Variants in RELN observed in about 807,000 individuals in gnomAD.
RELN encodes the protein reelin.
A neutral mutation model predicts 427.6 loss-of-function variants in RELN; 108 were observed. The observed-to-expected ratio is 0.25, with a 90% CI of 0.22 to 0.30. RELN has a LOEUF of 0.30. Among genes scored for constraint, RELN ranks in the 10% least tolerant of loss-of-function variants. The pLI, the probability that RELN is intolerant of heterozygous loss-of-function variation, is 1.00. For missense variants in RELN, 3,715 were observed against 4,302.8 expected (o/e 0.86, Z 3.82); for synonymous variants, 1,524 against 1,513.4 (o/e 1.01, Z -0.16).
chr7:103,547,261 G>T (rs1830317437), intron 41 of RELN, among the ~76,000 whole-genome samples: 1 of 152,172 alleles, frequency 6.6e-6, no homozygotes, highest in Admixed American at 6.5e-5. Context: ...CTAAAATTTA[G>T]TGGATAGTAA....
chr7:103,859,940 T>C (rs903903454), intron 2 of RELN, among the ~76,000 whole-genome samples: 4 of 152,178 alleles, frequency 2.6e-5, no homozygotes, highest in African/African-American at 9.6e-5. Flanking sequence ...ATGTTCACAA[T>C]GACAACAATT....
chr7:103,486,011 T>C lies in RELN; in HGVS notation c.9983+186A>G, dbSNP rs77441785. ...AAATACAAAGCAATTCTCTAATAAA[T>C]TTAAGCGAAACATAATTCTGAGTTG... On this transcript the variant is annotated intron_variant, in intron 61 of 64. Coordinates refer to ENST00000428762, the MANE Select transcript of RELN (RefSeq NM_005045.4). Among the ~76,000 whole-genome samples, 2,285 of 152,080 alleles carry C rather than the reference T, an allele frequency of 0.015. 66 individuals are homozygous for C. The highest frequency in any genetic ancestry group is 0.053 in the African/African-American group (2,187 of 41,532).
In RELN at chr7:103,757,267, C is replaced by G. The variant is rs538868768; in HGVS notation, c.545-4053G>C. On this transcript the variant is annotated intron_variant, in intron 4 of 64. Transcript: ENST00000428762. ...TGCTAGACTGGTCCTCATTTGTCAA[C>G]TGTCCAAGTGCTTACCCAATGACAT... 2.6e-5 allele frequency among the ~76,000 whole-genome samples: 4 copies of G among 152,268 alleles called. No homozygotes were observed. The South Asian group carries it at 8.3e-4, about 32-fold the overall frequency.
At chr7:103,833,754 T>G in intron 2 of RELN, 82 bp from the exon 3 acceptor site, 1 of 1,400,034 alleles carries the variant, frequency 7.1e-7, no homozygotes, top group East Asian at 2.5e-5. Context: ...TTTCTGAATA[T>G]TTTTCTTTCA....
chr7:103,809,058 C>G (rs1212436730), intron 3 of RELN, among the ~76,000 whole-genome samples: 3 of 152,124 alleles, frequency 2.0e-5, no homozygotes, highest in African/African-American at 7.2e-5. Context: ...AAAGTTTCTT[C>G]CCTAGAAAGC....
intron 8 of RELN, among the ~76,000 whole-genome samples, chr7:103,703,699 T>TC (rs1347155839): frequency 2.0e-5 from 3 of 151,718 alleles, no homozygotes; most frequent in Non-Finnish European, 4.4e-5. Flanking sequence ...ACTTGCCTGT[T>TC]CGTTTCCTTC....
Position 103,495,993 on chromosome 7 carries a change from T to G in RELN, c.9194-95A>C, listed in dbSNP as rs377711556. ...TTATTCTCTTGAACTGACCGATTTA[T>G]TGTTGAATTCCTTAAATTTTTATGC... On this transcript the variant is annotated intron_variant, in intron 56 of 64. Coordinates refer to ENST00000428762, the MANE Select transcript of RELN (RefSeq NM_005045.4). The G allele has an allele frequency of 2.1e-5, 27 of 1,312,780 alleles. No homozygotes were observed. In the African/African-American group the frequency reaches 3.5e-4, roughly 17 times the overall value. 81.3% of individuals were successfully genotyped at this position (1,312,780 alleles called of 1,614,324 possible).
At chr7:103,592,203 T>G (rs182576569) in intron 27 of RELN, among the ~76,000 whole-genome samples, 3 of 150,952 alleles carry the variant, frequency 2.0e-5, no homozygotes, top group Admixed American at 6.6e-5. Flanking sequence ...CTTTCATCCT[T>G]AAGTAGGCCC....
intron 24 of RELN, among the ~76,000 whole-genome samples, chr7:103,600,611 C>T (rs1018621269): frequency 1.2e-4 from 19 of 152,174 alleles, no homozygotes; most frequent in African/African-American, 4.6e-4. Flanking sequence ...TGTTTTCCCT[C>T]CCATAAATCA....
chr7:103,863,012 G>T (rs1212776734), intron 2 of RELN, among the ~76,000 whole-genome samples: 3 of 152,078 alleles, frequency 2.0e-5, no homozygotes, highest in Non-Finnish European at 4.4e-5. Flanking sequence ...CAGCTAGAGC[G>T]CTGAAACAGG....
At chr7:103,652,475 A>G in intron 14 of RELN, 76 bp downstream of exon 14, 1 of 1,165,152 alleles carries the variant, frequency 8.6e-7, no homozygotes, top group Non-Finnish European at 1.3e-6. Flanking sequence ...CTCTACCTAG[A>G]AACTACCTCT....
intron 2 of RELN, 22 bp downstream of exon 2, chr7:103,917,051 TTC>T (rs1563089774): frequency 6.4e-7 from 1 of 1,560,450 alleles, no homozygotes. Flanking sequence ...ACCCCCAAAT[TTC>T]TGGTTTGTGA....
At chr7:103,700,090 A>AAAGAGAGCTG (rs1433675547) in intron 9 of RELN, among the ~76,000 whole-genome samples, 47 of 152,086 alleles carry the variant, frequency 3.1e-4, no homozygotes, top group Non-Finnish European at 6.0e-4. Context: ...TAGTAGAAAA[A>AAAGAGAGCTG]AAGAGAGCTG....
At chr7:103,579,269 T>C (rs558676649) in intron 28 of RELN, among the ~76,000 whole-genome samples, 1 of 152,256 alleles carries the variant, frequency 6.6e-6, no homozygotes, top group Non-Finnish European at 1.5e-5. Flanking sequence ...AAGTAATGAT[T>C]GAGAGAAAGA....
At chr7:103,636,774 T>C (rs1383657979) in intron 17 of RELN, among the ~76,000 whole-genome samples, 1 of 152,198 alleles carries the variant, frequency 6.6e-6, no homozygotes, top group Admixed American at 6.5e-5. Context: ...CTGTAAAAGG[T>C]TTATGTATAA....
chr7:103,895,047 T>G (rs1479881509), intron 2 of RELN, among the ~76,000 whole-genome samples: 6 of 152,146 alleles, frequency 3.9e-5, no homozygotes, highest in Non-Finnish European at 8.8e-5. Context: ...AAAATCAACT[T>G]GGCACCAACT....
chr7:103,619,447 T>G (rs931879055), intron 20 of RELN, among the ~76,000 whole-genome samples: 7 of 152,170 alleles, frequency 4.6e-5, no homozygotes, highest in Non-Finnish European at 7.3e-5. Context: ...TGCCTGTGTC[T>G]CCTGTGGAAC....
At chr7:103,797,933 T>G in intron 3 of RELN, among the ~76,000 whole-genome samples, 1 of 152,356 alleles carries the variant, frequency 6.6e-6, no homozygotes, top group East Asian at 1.9e-4. Flanking sequence ...CATTTTCATT[T>G]GAGAGAAAAC....
At chr7:103,978,860 G>A (rs1444449124) in intron 1 of RELN, among the ~76,000 whole-genome samples, 1 of 152,156 alleles carries the variant, frequency 6.6e-6, no homozygotes, top group African/African-American at 2.4e-5. Flanking sequence ...ACCTGCATCA[G>A]GTGAAATCAC....
Sources: allele counts gnomAD v4.1 joint callset (sites outside exome capture counted in the v4.1 genomes callset), GRCh38; gene constraint gnomAD v4.1.1; transcripts MANE v1.5; gene names NCBI Gene and HGNC (gene_info 2026-07-23, HGNC 2026-07-21).